The following MAP1B variants were observed in gnomAD, a reference collection of about 807,000 sequenced individuals.
MAP1B encodes microtubule-associated protein 1B.
A neutral mutation model predicts 176.1 loss-of-function variants in MAP1B; 12 were observed. The ratio of observed to expected loss-of-function variants is 0.07; its 90% CI spans 0.04 to 0.11. The LOEUF is 0.11. MAP1B is among the 10% of genes least tolerant of loss of function. The probability of loss-of-function intolerance (pLI) is 1.00; values close to 1 mark genes in which losing one functional copy is unlikely to be tolerated. For synonymous variants in MAP1B, 1,044 were observed against 1,135.0 expected, an observed-to-expected ratio of 0.92 and a Z score of 1.61; for missense variants, 2,523 against 2,990.5, an observed-to-expected ratio of 0.84 and a Z score of 3.65.
At chr5:72,193,327 A>G (rs1406618119) in intron 4 of MAP1B, 1 of 391,888 alleles carries the variant, frequency 2.6e-6, no homozygotes, top group South Asian at 1.9e-5. Flanking sequence ...AATTTCTTTA[A>G]GGTATCCATC....
Position 72,186,459 on chromosome 5 carries a change from G to C in MAP1B, c.370-155G>C, listed in dbSNP as rs1236333881. ...AGCCAGGGATCCATTCAACCCTCCC[G>C]TGCTCTTCTGGCCTCCAGGAGAAAT... On this transcript the variant is annotated intron_variant, in intron 3 of 6. Transcript: ENST00000296755. This position sits in a 1 kb window ranked among gnomAD's most constrained non-coding sequence, Gnocchi z 4.3. Among the ~76,000 whole-genome samples, 1 of 152,162 alleles carries C rather than the reference G, an allele frequency of 6.6e-6. No homozygotes were observed. Among genetic ancestry groups the C allele is most frequent in the Non-Finnish European group, 1.5e-5 (1 of 68,030 alleles).
At chr5:72,132,846 T>A (rs1340965068) in intron 2 of MAP1B, among the ~76,000 whole-genome samples, 1 of 152,136 alleles carries the variant, frequency 6.6e-6, no homozygotes, top group Non-Finnish European at 1.5e-5. Flanking sequence ...TGCTGCAGAG[T>A]CTTTTCAAAG....
At chr5:72,201,621 T>C (rs1026373130) in intron 5 of MAP1B, among the ~76,000 whole-genome samples, 18 of 152,244 alleles carry the variant, frequency 1.2e-4, no homozygotes, top group African/African-American at 4.3e-4. Context: ...TAGATCACAA[T>C]TCACAAAGTA....
chr5:72,207,075 T>G lies in MAP1B; in HGVS notation c.*1836T>G, dbSNP rs1268591440. 1 of 152,180 alleles carries G rather than the reference T, an allele frequency of 6.6e-6. No homozygotes were observed. The highest frequency in any genetic ancestry group is 6.5e-5 in the Admixed American group (1 of 15,290). The allele number at this position is 152,180 out of a possible 1,614,324, so 9.4% of individuals were successfully genotyped here. ...CATTGAAAACAAATGAATTCTCAAC[T>G]CCTACGGTTCATGTAGAGTTTAGAG... On this transcript the variant is annotated 3_prime_UTR_variant, in exon 7 of 7. Transcript: ENST00000296755.
At chr5:72,140,575 G>A (rs1745929823) in intron 2 of MAP1B, among the ~76,000 whole-genome samples, 2 of 152,136 alleles carry the variant, frequency 1.3e-5, no homozygotes, top group Non-Finnish European at 2.9e-5. Context: ...TTTATTTTCA[G>A]CAACATGGGA....
intron 2 of MAP1B, among the ~76,000 whole-genome samples, chr5:72,141,872 C>A (rs1271953459): frequency 6.6e-6 from 1 of 152,198 alleles, no homozygotes; most frequent in Non-Finnish European, 1.5e-5. Flanking sequence ...CTGGATTACA[C>A]TGGGGACGAC....
intron 1 of MAP1B, 21 bp from the exon 2 acceptor site, chr5:72,115,677 T>A: frequency 7.3e-7 from 1 of 1,371,672 alleles, no homozygotes; most frequent in South Asian, 1.2e-5. Flanking sequence ...GTCTCTCAAC[T>A]GTCTTTCTTT....
chr5:72,177,486 C>T (rs1185441063), intron 2 of MAP1B, among the ~76,000 whole-genome samples: 1 of 152,188 alleles, frequency 6.6e-6, no homozygotes, highest in African/African-American at 2.4e-5. Flanking sequence ...CCGGCCAGGC[C>T]TCTGGGCCCC....
intron 2 of MAP1B, among the ~76,000 whole-genome samples, chr5:72,152,630 A>G (rs2112168203): frequency 6.6e-6 from 1 of 152,232 alleles, no homozygotes; most frequent in African/African-American, 2.4e-5. Context: ...TATTTTTAGT[A>G]GAGATGGGGT....
In MAP1B at chr5:72,206,309, T is replaced by C. The variant is rs1747445482; in HGVS notation, c.*1070T>C. On this transcript the variant is annotated 3_prime_UTR_variant, in exon 7 of 7. Transcript: ENST00000296755. The stretch of plus-strand genomic sequence containing the variant: ...ACACGTGGGTGAGCGTGTGTGGGGG[T>C]ACTAGAAGCTGATCTGATTGGTCCA... The C allele has an allele frequency of 6.6e-6, 1 of 152,532 alleles. No homozygotes were observed. Among genetic ancestry groups the C allele is most frequent in the Admixed American group, 6.6e-5 (1 of 15,256 alleles). The allele number at this position is 152,532 out of a possible 1,614,324, so 9.4% of individuals were successfully genotyped here. A position where few individuals can be genotyped will look rare whatever the true frequency, so the allele number is the denominator to read the frequency against.
Position 72,198,198 on chromosome 5 carries a change from A to G in MAP1B, c.4843A>G (p.Arg1615Gly), listed in dbSNP as rs1229486411. ...GTCTCCATCTAAAGAAGAATGCCCA[A>G]GACCGATGTCAATTTCTCCACCAGA... is the stretch of plus-strand genomic sequence containing the variant. ...EMSPSKEECP[R>G]PMSISPPDFS... is the part of the protein sequence containing the mutation. Residue 1615 changes from arginine to glycine, a missense_variant, in exon 5 of 7, where the codon AGA (arginine) becomes GGA (glycine). Coordinates refer to ENST00000296755, the MANE Select transcript of MAP1B (RefSeq NM_005909.5). The G allele has an allele frequency of 6.2e-7, 1 of 1,614,136 alleles. No homozygotes were observed. The highest frequency in any genetic ancestry group is 8.5e-7 in the Non-Finnish European group (1 of 1,180,048).
chr5:72,205,324 T>A lies in MAP1B; in HGVS notation c.*85T>A. 7.2e-7 allele frequency: 1 copy of A among 1,396,268 alleles called. No homozygotes were observed. The highest frequency in any genetic ancestry group is 1.4e-5 in the African/African-American group (1 of 69,996). 86.5% of individuals were successfully genotyped at this position (1,396,268 alleles called of 1,614,324 possible). A position where few individuals can be genotyped will look rare whatever the true frequency, so the allele number is the denominator to read the frequency against. On this transcript the variant is annotated 3_prime_UTR_variant, in exon 7 of 7. Coordinates refer to ENST00000296755, the MANE Select transcript of MAP1B (RefSeq NM_005909.5). ...AAATCACCTTTTCTAAAAAGTCAAT[T>A]CATCTAGTTAAGTCGCTGAACAATT...
At chr5:72,120,860 G>T (rs541285282) in intron 2 of MAP1B, among the ~76,000 whole-genome samples, 1 of 152,194 alleles carries the variant, frequency 6.6e-6, no homozygotes, top group Non-Finnish European at 1.5e-5. Flanking sequence ...TATATTTGGT[G>T]ATTGTTATTA....
intron 2 of MAP1B, among the ~76,000 whole-genome samples, chr5:72,158,210 A>G (rs560082673): frequency 2.4e-3 from 355 of 149,192 alleles, no homozygotes; most frequent in Non-Finnish European, 4.1e-3. Context: ...GGGTTTCACT[A>G]TATTGTCCAG....
In MAP1B at chr5:72,195,734, G is replaced by T. The variant is rs752752910; in HGVS notation, c.2379G>T (p.Glu793Asp). The T allele has an allele frequency of 1.2e-6, 2 of 1,614,126 alleles. No homozygotes were observed. Among genetic ancestry groups the T allele is most frequent in the East Asian group, 4.5e-5 (2 of 44,894 alleles). The change falls in exon 5 of 7, where the codon GAG (glutamate) becomes GAT (aspartate). Residue 793 changes from glutamate (E) to aspartate (D), a missense_variant. By Grantham distance (45) the Glu-to-Asp change is conservative. This residue lies in a region of MAP1B where 1,925 missense variants were observed against 2,126.0 expected (regional missense o/e 0.91). Coordinates refer to ENST00000296755, the MANE Select transcript of MAP1B (RefSeq NM_005909.5). ...TTAAGAAGGAAGGCAAGGCCGCAGA[G>T]GCTGTCGCTGCAGCTGTCGGCACTG... ...KVIKKEGKAA[E>D]AVAAAVGTGA...
intron 4 of MAP1B, among the ~76,000 whole-genome samples, chr5:72,193,068 G>C (rs1212978496): frequency 1.3e-5 from 2 of 152,210 alleles, no homozygotes; most frequent in Non-Finnish European, 2.9e-5. Context: ...TGAGCAAATG[G>C]GGAACGAACT....
rs73761732 is a variant in MAP1B, at chr5:72,188,141, G to A, written c.510+1387G>A. ...AGGCCTAGTAAGCCGCTGTTCAATT[G>A]CATTGAAATTCCAAAGCTAGGGCTA... On this transcript the variant is annotated intron_variant, in intron 4 of 6. Transcript: ENST00000296755. Among the ~76,000 whole-genome samples, 850 of 152,308 alleles carry A rather than the reference G, an allele frequency of 5.6e-3. 6 individuals are homozygous for A. The highest frequency in any genetic ancestry group is 0.02 in the African/African-American group (818 of 41,562).
intron 1 of MAP1B, among the ~76,000 whole-genome samples, chr5:72,110,310 A>G (rs1745305032): frequency 6.6e-6 from 1 of 152,150 alleles, no homozygotes; most frequent in South Asian, 2.1e-4. Flanking sequence ...GACTGTATTG[A>G]TCCCATTAAG....
chr5:72,123,303 T>A (rs892678798), intron 2 of MAP1B, among the ~76,000 whole-genome samples: 2 of 152,144 alleles, frequency 1.3e-5, no homozygotes, highest in Non-Finnish European at 2.9e-5. Context: ...TTTATTTTTT[T>A]AATCTCTTTT....
Sources: gnomAD v4.1 joint callset for allele counts (sites outside exome capture counted in the v4.1 genomes callset) on GRCh38, gnomAD v4.1.1 for gene constraint, gnomAD v4.1.1 regional missense constraint, Gnocchi (gnomAD v3.1) non-coding constraint, MANE v1.5 for transcripts, NCBI Gene and HGNC (gene_info 2026-07-23, HGNC 2026-07-21) for gene names.